Variants in PCSK7 observed in about 807,000 individuals in gnomAD.
PCSK7 encodes lymphoma proprotein convertase.
Under a neutral mutation model 73.3 loss-of-function variants are expected in PCSK7, and 38 were observed. That is an observed-to-expected ratio of 0.52 (90% CI 0.40 to 0.68). The LOEUF (loss-of-function observed/expected upper bound fraction) is 0.68. PCSK7 is among the 30% of genes least tolerant of loss of function. The pLI, the probability that PCSK7 is intolerant of heterozygous loss-of-function variation, is 0.00. For missense variants in PCSK7, 692 were observed against 991.5 expected (o/e 0.70, Z 4.06); for synonymous variants, 296 against 383.8 (o/e 0.77, Z 2.68).
In PCSK7 at chr11:117,204,804, CAG is replaced by C; in HGVS notation, c.*1191_*1192del. 3.3e-6 allele frequency: 1 copy of C among 306,936 alleles called. No individual in the cohort carries two copies. The highest frequency in any genetic ancestry group is 6.4e-6 in the Non-Finnish European group (1 of 156,732). 19.0% of individuals were successfully genotyped at this position (306,936 alleles called of 1,614,324 possible). A position where few individuals can be genotyped will look rare whatever the true frequency, so the allele number is the denominator to read the frequency against. ...TCAATCTTTTCTCAGGCCTGGCTGG[CAG>C]AGTTTGATTTGCCCTGGTCACTTTT... On this transcript the variant is annotated 3_prime_UTR_variant, in exon 17 of 17. Coordinates refer to ENST00000320934, the MANE Select transcript of PCSK7 (RefSeq NM_004716.4).
intron 8 of PCSK7, 134 bp from the exon 9 acceptor site, chr11:117,223,442 C>T (rs1254705281): frequency 1.4e-5 from 9 of 653,982 alleles, no homozygotes; most frequent in African/African-American, 5.3e-5. Flanking sequence ...GAGCGGCCCA[C>T]GTCCCTCAGA....
At position 117,224,763 on chromosome 11, in the gene PCSK7, GA is replaced by G; in HGVS notation, c.861-9del. On this transcript the variant is annotated splice_polypyrimidine_tract_variant and intron_variant, in intron 6 of 16. Transcript: ENST00000320934. ...TCGTCATCTGGTCCCCAGCTGTTGA[GA>G]AATAAATACCTAGAGGGGACAGCCA... The G allele has an allele frequency of 6.2e-7, 1 of 1,610,412 alleles. No homozygotes were observed. Among genetic ancestry groups the G allele is most frequent in the South Asian group, 1.1e-5 (1 of 91,002 alleles).
At chr11:117,215,406 A>ATATATATATTT (rs1555044281) in intron 12 of PCSK7, 3 of 54,586 alleles carry the variant, frequency 5.5e-5, no homozygotes, top group Non-Finnish European at 8.3e-5. Flanking sequence ...ATATATATAT[A>ATATATATATTT]CTTTTTTTTT....
At position 117,219,182 on chromosome 11, in the gene PCSK7, CT is replaced by C. The variant is rs1331505145; in HGVS notation, c.1324-19del. 6.4e-7 allele frequency: 1 copy of C among 1,558,490 alleles called. No individual in the cohort carries two copies. Among genetic ancestry groups the C allele is most frequent in the Admixed American group, 1.7e-5 (1 of 58,792 alleles). ...TCCTCATACTGAAAGGACAGAGGTC[CT>C]GGTTAGTCTCTTGCATTGCCAGTGT... On this transcript the variant is annotated intron_variant, in intron 10 of 16. Coordinates refer to ENST00000320934, the MANE Select transcript of PCSK7 (RefSeq NM_004716.4).
chr11:117,231,109 G>A (rs2032641521), intron 1 of PCSK7: 1 of 151,852 alleles, frequency 6.6e-6, no homozygotes, highest in Admixed American at 6.6e-5. Flanking sequence ...CAAATGGGGT[G>A]GCAGGACATG....
At chr11:117,213,956 C>CTTTTTTTTTTTTTTTTT (rs1174445276) in intron 12 of PCSK7, 6 of 93,950 alleles carry the variant, frequency 6.4e-5, no homozygotes, top group African/African-American at 1.5e-4. Context: ...TTTTCTTTTT[C>CTTTTTTTTTTTTTTTTT]TTTTTTTTTT....
chr11:117,228,498 A>G, intron 3 of PCSK7, 148 bp from the exon 4 acceptor site: 1 of 667,396 alleles, frequency 1.5e-6, no homozygotes, highest in Non-Finnish European at 2.7e-6. Flanking sequence ...AACAGAGTCA[A>G]GGAGGAGCAG....
intron 9 of PCSK7, 146 bp from the exon 10 acceptor site, chr11:117,219,904 A>T (rs2032126730): frequency 1.9e-6 from 1 of 531,576 alleles, no homozygotes; most frequent in Non-Finnish European, 3.3e-6. Flanking sequence ...ACTGCACTCC[A>T]GCCTAGGTGG....
rs1145215 is a variant in PCSK7, at chr11:117,206,955, C to A, written c.1880+112G>T. Reference sequence around the variant, plus strand: ...GTTCCCAGCCCGGGGCTCCATCTACCGGCTTGACGCTGGAACTGGGAAGCA... The same window carrying A: ...GTTCCCAGCCCGGGGCTCCATCTACAGGCTTGACGCTGGAACTGGGAAGCA... On this transcript the variant is annotated intron_variant, in intron 15 of 16. Transcript: ENST00000320934. The A allele has an allele frequency of 2.2e-6, 3 of 1,356,900 alleles. No homozygotes were observed. In the South Asian group the frequency reaches 3.6e-5, roughly 16 times the overall value. The allele number at this position is 1,356,900 out of a possible 1,614,324, so 84.1% of individuals were successfully genotyped here. A position where few individuals can be genotyped will look rare whatever the true frequency, so the allele number is the denominator to read the frequency against.
At chr11:117,212,004 G>A (rs1173884031) in intron 12 of PCSK7, 1 of 152,078 alleles carries the variant, frequency 6.6e-6, no homozygotes, top group African/African-American at 2.4e-5. Context: ...TTCCTGTATT[G>A]TCAAAATTCT....
Position 117,218,354 on chromosome 11 carries a change from A to G in PCSK7, c.1534+112T>C, listed in dbSNP as rs1420883467. ...AAGAAAACTCCACAGGTTTGGCTGGAGCTCAGCTCCGAAAGGGGGTAGAAT... is the reference window on the plus strand; with the variant it reads ...AAGAAAACTCCACAGGTTTGGCTGGGGCTCAGCTCCGAAAGGGGGTAGAAT... On this transcript the variant is annotated intron_variant, in intron 12 of 16. Coordinates refer to ENST00000320934, the MANE Select transcript of PCSK7 (RefSeq NM_004716.4). The surrounding 1 kb of genome is among the most constrained non-coding windows in gnomAD (Gnocchi z 4.0). 7 of 582,120 alleles carry G rather than the reference A, an allele frequency of 1.2e-5. No individual in the cohort carries two copies. The highest frequency in any genetic ancestry group is 9.1e-6 in the Non-Finnish European group (3 of 330,306). The allele number at this position is 582,120 out of a possible 1,614,324, so 36.1% of individuals were successfully genotyped here. A position where few individuals can be genotyped will look rare whatever the true frequency, so the allele number is the denominator to read the frequency against.
rs186782888 is a variant in PCSK7, at chr11:117,215,985, G to A, written c.1534+2481C>T. The A allele has an allele frequency of 8.6e-3, 1,307 of 152,168 alleles. 10 individuals carry two copies. Among genetic ancestry groups the A allele is most frequent in the Non-Finnish European group, 0.013 (901 of 68,048 alleles). The allele number at this position is 152,168 out of a possible 1,614,324, so 9.4% of individuals were successfully genotyped here. ...ATCCTCCTGTCTCAGCCTCCCAGGA[G>A]GCATGCACCACCACACCTGGCTAAT... On this transcript the variant is annotated intron_variant, in intron 12 of 16. Transcript: ENST00000320934.
chr11:117,225,049 G>T, intron 6 of PCSK7: 22 of 188,748 alleles, frequency 1.2e-4, no homozygotes, highest in East Asian at 3.5e-4. Flanking sequence ...TCAGAGACAT[G>T]TAGACCTTTT....
Position 117,227,143 on chromosome 11 carries a change from G to T in PCSK7, c.769+14C>A. 6.3e-7 allele frequency: 1 copy of T among 1,589,722 alleles called. No individual in the cohort carries two copies. The highest frequency in any genetic ancestry group is 1.4e-5 in the African/African-American group (1 of 73,986). On this transcript the variant is annotated intron_variant, in intron 5 of 16. Transcript: ENST00000320934. ...GGAGCAGCCTACCAAGGCTAGGCTG[G>T]AGGCACAAGTTACCTGCGATGCGGC...
At chr11:117,219,864 T>C (rs980328532) in intron 9 of PCSK7, 106 bp from the exon 10 acceptor site, 1 of 771,106 alleles carries the variant, frequency 1.3e-6, no homozygotes, top group Non-Finnish European at 2.0e-6. Flanking sequence ...GGCAGGAGGA[T>C]TGCTTGAGCA....
rs1327277932 is a variant in PCSK7 at position 117,204,396 on chromosome 11, A to G, written c.*1601T>C. On this transcript the variant is annotated 3_prime_UTR_variant, in exon 17 of 17. Transcript: ENST00000320934. Reference sequence around the variant, plus strand: ...CTAGCCCTGAGCCCGGCCCTCCCCCAGCTCCTTGGCTGCAGCCATCCCGCT... The same window carrying G: ...CTAGCCCTGAGCCCGGCCCTCCCCCGGCTCCTTGGCTGCAGCCATCCCGCT... The G allele has an allele frequency of 1.2e-6, 2 of 1,614,028 alleles. No individual in the cohort carries two copies. The highest frequency in any genetic ancestry group is 1.6e-4 in the Middle Eastern group (1 of 6,062).
At position 117,224,746 on chromosome 11, in the gene PCSK7, T is replaced by G; in HGVS notation, c.870A>C (p.Pro290=). ...CATCCACTGTCTTCCCATCGTCATC[T>G]GGTCCCCAGCTGTTGAGAAATAAAT... is the stretch of plus-strand genomic sequence containing the variant. The part of the protein sequence containing the change: ...INDIYSCSWG[P]DDDGKTVDGP... The change falls in exon 7 of 17, where the codon CCA becomes CCC. Residue 290 remains proline, a synonymous_variant. Transcript: ENST00000320934. 1 of 1,613,414 alleles carries G rather than the reference T, an allele frequency of 6.2e-7. No homozygotes were observed. The highest frequency in any genetic ancestry group is 8.5e-7 in the Non-Finnish European group (1 of 1,179,446).
intron 5 of PCSK7, 120 bp downstream of exon 5, chr11:117,227,037 A>G: frequency 1.7e-5 from 13 of 762,466 alleles, no homozygotes; most frequent in Non-Finnish European, 2.1e-5. Flanking sequence ...CCCTTGCTCT[A>G]TGCTATGTGT....
intron 9 of PCSK7, chr11:117,222,353 C>T (rs1222728412): frequency 6.6e-6 from 1 of 152,202 alleles, no homozygotes; most frequent in Non-Finnish European, 1.5e-5. Flanking sequence ...TTTGCTATGG[C>T]TCCAATTATA....
Sources: gnomAD v4.1 joint callset for allele counts on GRCh38, gnomAD v4.1.1 for gene constraint, Gnocchi (gnomAD v3.1) non-coding constraint, MANE v1.5 for transcripts, NCBI Gene and HGNC (gene_info 2026-07-23, HGNC 2026-07-21) for gene names.